Variants in RAI2 observed in about 807,000 individuals in gnomAD.
The protein encoded by RAI2 is retinoic acid-induced protein 2.
Under a neutral mutation model 15.3 loss-of-function variants are expected in RAI2, and 5 were observed. The observed-to-expected ratio is 0.33, with a 90% CI of 0.17 to 0.69. RAI2 has a LOEUF of 0.69. Among genes scored for constraint, RAI2 ranks in the 30% least tolerant of loss-of-function variants. The pLI is 0.69. For synonymous variants in RAI2, 191 were observed against 184.0 expected (o/e 1.04, Z -0.31); for missense variants, 424 against 424.7 (o/e 1.00, Z 0.01).
intron 1 of RAI2, among the ~76,000 whole-genome samples, chrX:17,858,065 G>T (rs1054042734): frequency 9.0e-6 from 1 of 111,247 alleles, no homozygotes; most frequent in African/African-American, 3.3e-5. Flanking sequence ...TTAGTCCTTC[G>T]TGGTTCCATG....
intron 1 of RAI2, among the ~76,000 whole-genome samples, chrX:17,803,823 T>C (rs1302861140): frequency 9.0e-6 from 1 of 111,337 alleles, no homozygotes; most frequent in Admixed American, 9.4e-5. Flanking sequence ...TGGGACAGAG[T>C]TGGGAGGCAG....
At chrX:17,837,788 T>A (rs1301290371) in intron 1 of RAI2, 1 of 112,149 alleles carries the variant, frequency 8.9e-6, no homozygotes, top group Non-Finnish European at 1.9e-5. Flanking sequence ...GGCAGGGGGT[T>A]ATTTTTTGCA....
chrX:17,845,584 G>A (rs2067447596), intron 1 of RAI2, among the ~76,000 whole-genome samples: 1 of 112,457 alleles, frequency 8.9e-6, no homozygotes. Context: ...CATGTTGCCT[G>A]TTTATTTACT....
intron 1 of RAI2, among the ~76,000 whole-genome samples, chrX:17,818,677 C>G (rs747584924): frequency 8.9e-6 from 1 of 112,828 alleles, no homozygotes; most frequent in African/African-American, 3.2e-5. Context: ...CAGGAAAGCC[C>G]ATAGCTGGCA....
At position 17,801,607 on chromosome X, in the gene RAI2, T is replaced by C. The variant is rs368945317; in HGVS notation, c.404A>G (p.Asn135Ser). 3.3e-6 allele frequency: 4 copies of C among 1,207,653 alleles called. No homozygotes were observed. Among genetic ancestry groups the C allele is most frequent in the African/African-American group, 1.8e-5 (1 of 56,549 alleles). The change falls in exon 2 of 2, where the codon AAC (asparagine) becomes AGC (serine). Residue 135 changes from asparagine to serine, a missense_variant. Asn to Ser is a conservative substitution (Grantham distance 46, BLOSUM62 1). Coordinates refer to ENST00000451717, the MANE Select transcript of RAI2 (RefSeq NM_021785.6). Reference sequence around the variant, plus strand: ...CTCCTGCGGCAGGACCAGAGGGGAGTTGAGGTGCTGAAAGACGTGCTGCTC... The same window carrying C: ...CTCCTGCGGCAGGACCAGAGGGGAGCTGAGGTGCTGAAAGACGTGCTGCTC... Reference protein sequence around the residue: ...VLEQHVFQHLNSPLVLPQEAP... With the variant: ...VLEQHVFQHLSSPLVLPQEAP...
At chrX:17,844,236 A>G (rs2067431525) in intron 1 of RAI2, among the ~76,000 whole-genome samples, 1 of 112,613 alleles carries the variant, frequency 8.9e-6, no homozygotes, top group Non-Finnish European at 1.9e-5. Flanking sequence ...TTCATCAATC[A>G]TACTCTCATT....
intron 1 of RAI2, among the ~76,000 whole-genome samples, chrX:17,830,730 TGGGGTGTGTGTGGG>T (rs2067273357): frequency 9.0e-6 from 1 of 110,894 alleles, no homozygotes; most frequent in South Asian, 3.8e-4. Context: ...AGAGGTCATC[TGGGGTGTGTGTGGG>T]GGGGTGTTAT....
At chrX:17,854,413 C>G (rs1449330863) in intron 1 of RAI2, among the ~76,000 whole-genome samples, 1 of 112,079 alleles carries the variant, frequency 8.9e-6, no homozygotes, top group African/African-American at 3.2e-5. Context: ...TCCTTTCATC[C>G]TAGAACATTC....
chrX:17,805,567 T>C (rs2066969525), intron 1 of RAI2, among the ~76,000 whole-genome samples: 1 of 112,451 alleles, frequency 8.9e-6, no homozygotes, highest in African/African-American at 3.2e-5. Context: ...AGAGAGGCCC[T>C]TGCATCCCCT....
chrX:17,852,759 G>T (rs1010177498), intron 1 of RAI2, among the ~76,000 whole-genome samples: 1 of 112,206 alleles, frequency 8.9e-6, no homozygotes, highest in Admixed American at 9.4e-5. Flanking sequence ...GCTGCCTGAA[G>T]GAGAATTGCT....
intron 1 of RAI2, among the ~76,000 whole-genome samples, chrX:17,843,011 C>T (rs2067416881): frequency 8.9e-6 from 1 of 111,821 alleles, no homozygotes; most frequent in Non-Finnish European, 1.9e-5. Flanking sequence ...AGAACTCACT[C>T]GCAGGAGTAG....
chrX:17,815,067 G>A (rs1434713924), intron 1 of RAI2, among the ~76,000 whole-genome samples: 6 of 110,642 alleles, frequency 5.4e-5, no homozygotes, highest in African/African-American at 2.0e-4. Context: ...GTCAAAAGCA[G>A]AACAACATCC....
intron 1 of RAI2, among the ~76,000 whole-genome samples, chrX:17,857,862 A>G (rs1163306760): frequency 8.9e-6 from 1 of 112,214 alleles, no homozygotes; most frequent in Non-Finnish European, 1.9e-5. Flanking sequence ...TTTCGGATCT[A>G]TCTACTTGGC....
At chrX:17,853,292 T>TG (rs953106344) in intron 1 of RAI2, among the ~76,000 whole-genome samples, 1 of 112,186 alleles carries the variant, frequency 8.9e-6, no homozygotes, top group Non-Finnish European at 1.9e-5. Flanking sequence ...ATCACGCACA[T>TG]GACCCACTTC....
chrX:17,855,589 G>A (rs1211163782), intron 1 of RAI2, among the ~76,000 whole-genome samples: 1 of 111,592 alleles, frequency 9.0e-6, no homozygotes, highest in Non-Finnish European at 1.9e-5. Flanking sequence ...TTGATGCCAG[G>A]CTGCTGTGGC....
intron 1 of RAI2, among the ~76,000 whole-genome samples, chrX:17,829,439 T>G (rs1450269216): frequency 9.0e-6 from 1 of 110,645 alleles, no homozygotes; most frequent in African/African-American, 3.3e-5. Flanking sequence ...GAGCCCAACC[T>G]CATGCATCTA....
intron 1 of RAI2, among the ~76,000 whole-genome samples, chrX:17,813,938 G>A (rs754904171): frequency 1.2e-4 from 13 of 111,862 alleles, no homozygotes; most frequent in African/African-American, 2.3e-4. Flanking sequence ...CATTACTAAC[G>A]ATGGTGATGA....
chrX:17,853,760 T>C (rs1408310892), intron 1 of RAI2, among the ~76,000 whole-genome samples: 1 of 111,667 alleles, frequency 9.0e-6, no homozygotes, highest in African/African-American at 3.3e-5. Flanking sequence ...TCCTTTTCCA[T>C]ATAAATGAAA....
chrX:17,859,628 A>G (rs1224634007), intron 1 of RAI2, among the ~76,000 whole-genome samples: 1 of 112,720 alleles, frequency 8.9e-6, no homozygotes, highest in Non-Finnish European at 1.9e-5. Flanking sequence ...ACTTATCCTC[A>G]GCAAAATATT....
Sources: allele counts gnomAD v4.1 joint callset (sites outside exome capture counted in the v4.1 genomes callset), GRCh38; gene constraint gnomAD v4.1.1; transcripts MANE v1.5; gene names NCBI Gene and HGNC (gene_info 2026-07-23, HGNC 2026-07-21).